Variants in COL22A1 observed in about 807,000 individuals in gnomAD.
COL22A1 encodes collagen alpha-1(XXII) chain.
A neutral mutation model predicts 248.9 loss-of-function variants in COL22A1; 221 were observed. The observed-to-expected ratio is 0.89, with a 90% CI of 0.80 to 0.99. COL22A1 has a LOEUF of 0.99. Ranked by LOEUF, COL22A1 falls within the 50% of genes least tolerant of loss-of-function variation. COL22A1 has a pLI of 0.00. For synonymous variants in COL22A1, 891 were observed against 793.4 expected (o/e 1.12, Z -2.07); for missense variants, 2,240 against 2,179.0 (o/e 1.03, Z -0.56).
intron 26 of COL22A1, among the ~76,000 whole-genome samples, chr8:138,721,782 A>G (rs1829887444): frequency 6.6e-6 from 1 of 152,132 alleles, no homozygotes; most frequent in Non-Finnish European, 1.5e-5. Context: ...GCCTCCCAAA[A>G]TGCTGGGATT....
intron 40 of COL22A1, 25 bp from the exon 41 acceptor site, chr8:138,676,660 AAGG>A (rs1825581898): frequency 3.3e-6 from 5 of 1,512,362 alleles, no homozygotes; most frequent in Non-Finnish European, 4.5e-6. Context: ...AAATAAGATC[AAGG>A]AGGTCAGTGC....
intron 7 of COL22A1, among the ~76,000 whole-genome samples, chr8:138,813,607 G>A (rs1167961782): frequency 2.0e-5 from 3 of 152,058 alleles, no homozygotes; most frequent in Admixed American, 6.5e-5. Context: ...GAGAGCCCCC[G>A]TGCAAGGGGC....
intron 41 of COL22A1, among the ~76,000 whole-genome samples, chr8:138,670,558 G>C (rs1824929896): frequency 6.6e-6 from 1 of 151,990 alleles, no homozygotes; most frequent in Non-Finnish European, 1.5e-5. Context: ...TGGTTCTTAT[G>C]ATCAAAGGAA....
At chr8:138,815,873 T>C (rs1323552222) in intron 7 of COL22A1, among the ~76,000 whole-genome samples, 1 of 152,052 alleles carries the variant, frequency 6.6e-6, no homozygotes, top group Non-Finnish European at 1.5e-5. Context: ...GACTGACCAC[T>C]CCCCTGCTCC....
At chr8:138,696,397 G>C (rs1009794408) in intron 32 of COL22A1, among the ~76,000 whole-genome samples, 2 of 152,158 alleles carry the variant, frequency 1.3e-5, no homozygotes, top group African/African-American at 4.8e-5. Context: ...GGAGATGAAG[G>C]GAGGGCCATG....
intron 30 of COL22A1, among the ~76,000 whole-genome samples, chr8:138,713,830 G>A (rs1288107187): frequency 6.6e-6 from 1 of 152,132 alleles, no homozygotes; most frequent in Non-Finnish European, 1.5e-5. Context: ...GACATGAGCT[G>A]AAATATTATA....
chr8:138,902,729 T>TAA (rs1814686006), intron 1 of COL22A1, among the ~76,000 whole-genome samples: 2 of 59,416 alleles, frequency 3.4e-5, no homozygotes, highest in Non-Finnish European at 7.0e-5. Context: ...TTTATAAATA[T>TAA]ATATATATAT....
chr8:138,895,883 T>C (rs899741495), intron 1 of COL22A1, among the ~76,000 whole-genome samples: 1 of 152,050 alleles, frequency 6.6e-6, no homozygotes, highest in Non-Finnish European at 1.5e-5. Flanking sequence ...GAAAACCAGA[T>C]AAAGACAAGT....
Position 138,812,950 on chromosome 8 carries a change from G to C in COL22A1, c.1315C>G (p.Pro439Ala), listed in dbSNP as rs762019899. Residue 439 changes from proline (P) to alanine (A), a missense_variant, in exon 8 of 65, where the codon CCC (proline) becomes GCC (alanine). Physicochemically the swap from Pro to Ala is conservative, Grantham distance 27. Transcript: ENST00000303045. ...HAELETCCDI[P>A]SGPCQVTVVT... ...GAGAGTCTGCTCACCGGACCCGAGGGGATATCACAACAAGTCTCCAATTCT... is the reference window on the plus strand; with the variant it reads ...GAGAGTCTGCTCACCGGACCCGAGGCGATATCACAACAAGTCTCCAATTCT... 1 of 1,612,962 alleles carries C rather than the reference G, an allele frequency of 6.2e-7. No homozygotes were observed. Among genetic ancestry groups the C allele is most frequent in the Non-Finnish European group, 8.5e-7 (1 of 1,179,172 alleles).
At chr8:138,701,820 T>G (rs1828000257) in intron 31 of COL22A1, among the ~76,000 whole-genome samples, 1 of 152,272 alleles carries the variant, frequency 6.6e-6, no homozygotes, top group African/African-American at 2.4e-5. Flanking sequence ...GTTCTTATCT[T>G]TCAATATGCA....
At chr8:138,787,494 C>G (rs556445851) in intron 12 of COL22A1, among the ~76,000 whole-genome samples, 1 of 152,096 alleles carries the variant, frequency 6.6e-6, no homozygotes, top group South Asian at 2.1e-4. Context: ...TGGTAAGAGG[C>G]CTTGAGAAAA....
intron 23 of COL22A1, 21 bp downstream of exon 23, chr8:138,737,503 G>A: frequency 6.4e-7 from 1 of 1,570,376 alleles, no homozygotes; most frequent in Non-Finnish European, 8.8e-7. Context: ...TGCTATGGAA[G>A]AGAATGTAAA....
chr8:138,617,025 A>G, intron 53 of COL22A1, 67 bp from the exon 54 acceptor site: 1 of 1,555,264 alleles, frequency 6.4e-7, no homozygotes, highest in Non-Finnish European at 8.9e-7. Context: ...GGGCAGGCAT[A>G]CCTCCCTGCC....
chr8:138,829,403 G>GTTTTTTTTTT lies in COL22A1; in HGVS notation c.846-2632_846-2623dup, dbSNP rs765618552. Among the ~76,000 whole-genome samples the GTTTTTTTTTT allele has an allele frequency of 4.7e-4, 43 of 90,652 alleles. 3 individuals carry two copies. Among genetic ancestry groups the GTTTTTTTTTT allele is most frequent in the Non-Finnish European group, 5.4e-4 (27 of 50,402 alleles). 59.5% of individuals were successfully genotyped at this position (90,652 alleles called of 152,430 possible). A position where few individuals can be genotyped will look rare whatever the true frequency, so the allele number is the denominator to read the frequency against. ...CTTTTCTTTATTTCCTTCCTTTCCTGTTTTTTTTTTTTTTTTTTTTTGAGA... is the reference window on the plus strand; with the variant it reads ...CTTTTCTTTATTTCCTTCCTTTCCTGTTTTTTTTTTTTTTTTTTTTTTTTTTTTTTTGAGA... On this transcript the variant is annotated intron_variant, in intron 5 of 64. Transcript: ENST00000303045.
intron 22 of COL22A1, among the ~76,000 whole-genome samples, chr8:138,744,481 C>CCA (rs60847304): frequency 0.034 from 5,051 of 148,730 alleles, 196 homozygotes; most frequent in African/African-American, 0.094. Flanking sequence ...CACACACACA[C>CCA]CACACACACA....
At chr8:138,798,095 C>G (rs1460032360) in intron 11 of COL22A1, among the ~76,000 whole-genome samples, 2 of 145,824 alleles carry the variant, frequency 1.4e-5, no homozygotes, top group African/African-American at 5.1e-5. Flanking sequence ...ACCTATTTGT[C>G]TCTTTGAATA....
chr8:138,702,811 A>G (rs187723843), intron 31 of COL22A1, among the ~76,000 whole-genome samples: 1 of 152,268 alleles, frequency 6.6e-6, no homozygotes, highest in East Asian at 1.9e-4. Flanking sequence ...CAGACGAGAA[A>G]ACTGACTTTG....
rs575834335 is a variant in COL22A1, at chr8:138,675,646, G to A, written c.3150+912C>T. ...AGGACAAAGTAAATGCACTTTTAAG[G>A]TGCATTAAGAGGGTATGATGTCTTT... On this transcript the variant is annotated intron_variant, in intron 41 of 64. Transcript: ENST00000303045. 3.3e-5 allele frequency among the ~76,000 whole-genome samples: 5 copies of A among 152,268 alleles called. No homozygotes were observed. The South Asian group carries it at 6.2e-4, about 19-fold the overall frequency.
At chr8:138,801,361 G>C (rs774703797) in intron 11 of COL22A1, among the ~76,000 whole-genome samples, 23 of 152,172 alleles carry the variant, frequency 1.5e-4, no homozygotes, top group Non-Finnish European at 2.8e-4. Flanking sequence ...TCCATAGGAT[G>C]CACGTGCCAA....
Sources: allele counts gnomAD v4.1 joint callset (sites outside exome capture counted in the v4.1 genomes callset), GRCh38; gene constraint gnomAD v4.1.1; transcripts MANE v1.5; gene names NCBI Gene and HGNC (gene_info 2026-07-23, HGNC 2026-07-21).